Variants in CSMD1 observed in about 807,000 individuals in gnomAD.
The protein encoded by CSMD1 is CUB and sushi domain-containing protein 1.
In CSMD1, 213 loss-of-function variants were observed where a neutral mutation model predicts 417.5. That is an observed-to-expected ratio of 0.51 (90% confidence interval 0.46 to 0.57). The LOEUF (loss-of-function observed/expected upper bound fraction) is 0.57, where lower values mean the gene tolerates loss of function less well. Among genes scored for constraint, CSMD1 ranks in the 20% least tolerant of loss-of-function variants. The probability of loss-of-function intolerance (pLI) is 0.00; values close to 1 mark genes in which losing one functional copy is unlikely to be tolerated. For synonymous variants in CSMD1, 2,862 were observed against 1,736.8 expected (o/e 1.65, Z -16.11); for missense variants, 6,923 against 4,529.7 (o/e 1.53, Z -15.17).
At chr8:3,801,107 G>A (rs770048657) in intron 5 of CSMD1, among the ~76,000 whole-genome samples, 9 of 151,642 alleles carry the variant, frequency 5.9e-5, no homozygotes, top group East Asian at 3.9e-4. Flanking sequence ...TAAAGAAGAC[G>A]GAAAGGTTAA....
At chr8:4,722,859 T>C (rs1339444629) in intron 1 of CSMD1, among the ~76,000 whole-genome samples, 1 of 152,090 alleles carries the variant, frequency 6.6e-6, no homozygotes, top group East Asian at 1.9e-4. Flanking sequence ...GCTTTAGATA[T>C]CTCAACAAAA....
intron 1 of CSMD1, among the ~76,000 whole-genome samples, chr8:4,811,075 G>A (rs1027385523): frequency 7.9e-5 from 12 of 152,180 alleles, no homozygotes; most frequent in Admixed American, 7.9e-4. Context: ...ATTCGACCCT[G>A]TTAGAGAAAG....
At chr8:3,321,715 A>C (rs1806167397) in intron 23 of CSMD1, among the ~76,000 whole-genome samples, 1 of 152,194 alleles carries the variant, frequency 6.6e-6, no homozygotes, top group East Asian at 1.9e-4. Context: ...CTTTTGATTC[A>C]AATAAAGTAG....
chr8:3,992,126 G>T (rs896421088), intron 5 of CSMD1, among the ~76,000 whole-genome samples: 3 of 150,158 alleles, frequency 2.0e-5, no homozygotes, highest in African/African-American at 7.3e-5. Flanking sequence ...GTATATATAT[G>T]TGTGTGTGTG....
chr8:4,694,895 C>T (rs1807015386), intron 1 of CSMD1, among the ~76,000 whole-genome samples: 1 of 152,132 alleles, frequency 6.6e-6, no homozygotes, highest in Admixed American at 6.5e-5. Context: ...CATTTTACTC[C>T]AAAATCCAAT....
At chr8:3,645,102 T>A (rs1002491008) in intron 7 of CSMD1, among the ~76,000 whole-genome samples, 1 of 152,048 alleles carries the variant, frequency 6.6e-6, no homozygotes, top group East Asian at 1.9e-4. Flanking sequence ...ACTTCTGTCC[T>A]GAAGCCTGCT....
chr8:3,213,268 G>C (rs1026426874), intron 30 of CSMD1, among the ~76,000 whole-genome samples: 1 of 152,130 alleles, frequency 6.6e-6, no homozygotes, highest in Non-Finnish European at 1.5e-5. Flanking sequence ...CCCTAGAAAT[G>C]AATGTCTCTG....
chr8:4,717,582 C>T (rs1013974813), intron 1 of CSMD1, among the ~76,000 whole-genome samples: 1 of 136,672 alleles, frequency 7.3e-6, no homozygotes, highest in Non-Finnish European at 1.6e-5. Context: ...ATCCATCCAT[C>T]CATACATCCA....
intron 10 of CSMD1, among the ~76,000 whole-genome samples, chr8:3,568,424 G>A (rs554508545): frequency 4.6e-5 from 7 of 152,186 alleles, no homozygotes; most frequent in Non-Finnish European, 8.8e-5. Flanking sequence ...CAAAGAAAAA[G>A]AAAACTAAAC....
intron 3 of CSMD1, among the ~76,000 whole-genome samples, chr8:4,145,824 T>C (rs1320112962): frequency 6.6e-6 from 1 of 151,208 alleles, no homozygotes; most frequent in East Asian, 1.9e-4. Context: ...AGGGTTGGAA[T>C]GGCTTCCAGG....
chr8:4,486,039 T>C (rs1801360725), intron 2 of CSMD1, among the ~76,000 whole-genome samples: 1 of 151,154 alleles, frequency 6.6e-6, no homozygotes, highest in Non-Finnish European at 1.5e-5. Flanking sequence ...AATCCTGACT[T>C]CATAAAGTAA....
intron 7 of CSMD1, among the ~76,000 whole-genome samples, chr8:3,643,987 T>A (rs1797446379): frequency 1.3e-5 from 2 of 152,160 alleles, no homozygotes; most frequent in African/African-American, 4.8e-5. Context: ...GAGAACACGG[T>A]GAATTCATCG....
At chr8:2,960,618 G>C (rs1318236694) in intron 62 of CSMD1, among the ~76,000 whole-genome samples, 1 of 152,042 alleles carries the variant, frequency 6.6e-6, no homozygotes, top group East Asian at 1.9e-4. Flanking sequence ...ATGATATTTA[G>C]TACGCTAATA....
intron 2 of CSMD1, among the ~76,000 whole-genome samples, chr8:4,486,134 TATACATAC>T (rs1216245265): frequency 1.5e-3 from 46 of 30,942 alleles, no homozygotes; most frequent in African/African-American, 5.6e-3. Flanking sequence ...TATATATATA[TATACATAC>T]ATATATATAT....
At chr8:4,755,024 G>A (rs563246173) in intron 1 of CSMD1, among the ~76,000 whole-genome samples, 2 of 152,202 alleles carry the variant, frequency 1.3e-5, no homozygotes, top group East Asian at 3.9e-4. Context: ...TGTGATCCCA[G>A]CTACTTGGGA....
At chr8:4,755,493 T>A (rs1413857307) in intron 1 of CSMD1, among the ~76,000 whole-genome samples, 1 of 152,226 alleles carries the variant, frequency 6.6e-6, no homozygotes, top group Non-Finnish European at 1.5e-5. Flanking sequence ...ATTTTTGGCA[T>A]AACGTTAAAA....
intron 1 of CSMD1, among the ~76,000 whole-genome samples, chr8:4,957,466 C>T (rs1809194847): frequency 6.6e-6 from 1 of 152,170 alleles, no homozygotes; most frequent in Admixed American, 6.6e-5. Flanking sequence ...TTCTCTTGAT[C>T]ATTTCAGGGA....
intron 26 of CSMD1, 26 bp downstream of exon 26, chr8:3,284,118 A>G (rs1234164932): frequency 1.3e-6 from 2 of 1,526,644 alleles, no homozygotes; most frequent in African/African-American, 2.8e-5. Flanking sequence ...TATCAAGGTA[A>G]AGAAGAAGCA....
chr8:4,359,534 C>T (rs1054956546), intron 3 of CSMD1, among the ~76,000 whole-genome samples: 8 of 152,198 alleles, frequency 5.3e-5, no homozygotes, highest in African/African-American at 1.9e-4. Context: ...GAGATGTCTC[C>T]TTCCAATCCT....
Sources: allele counts gnomAD v4.1 joint callset (sites outside exome capture counted in the v4.1 genomes callset), GRCh38; gene constraint gnomAD v4.1.1; transcripts MANE v1.5; gene names NCBI Gene and HGNC (gene_info 2026-07-23, HGNC 2026-07-21).